Variants in MYT1L observed in about 807,000 individuals in gnomAD.
MYT1L encodes the protein myelin transcription factor 1-like protein.
In MYT1L, 12 loss-of-function variants were observed where a neutral mutation model predicts 126.7. The observed-to-expected ratio is 0.09, with a 90% CI of 0.06 to 0.15. MYT1L has a LOEUF of 0.15. MYT1L is among the 10% of genes least tolerant of loss of function. The pLI is 1.00. For synonymous variants in MYT1L, 541 were observed against 604.2 expected (o/e 0.90, Z 1.53); for missense variants, 979 against 1,585.2 (o/e 0.62, Z 6.49).
At chr2:2,306,517 A>G (rs978055017) in intron 1 of MYT1L, among the ~76,000 whole-genome samples, 2 of 152,134 alleles carry the variant, frequency 1.3e-5, no homozygotes, top group African/African-American at 2.4e-5. Flanking sequence ...GGTCACATGC[A>G]CTCATGTGTC....
intron 4 of MYT1L, among the ~76,000 whole-genome samples, chr2:2,027,240 G>A (rs892617226): frequency 6.6e-5 from 10 of 152,232 alleles, no homozygotes; most frequent in African/African-American, 2.4e-4. Context: ...TCCACCCCGG[G>A]AGGCAGAGCA....
At chr2:1,817,870 G>A (rs1336074609) in intron 21 of MYT1L, among the ~76,000 whole-genome samples, 1 of 152,222 alleles carries the variant, frequency 6.6e-6, no homozygotes. Context: ...TTACAGAAAC[G>A]CTTCTCCAAT....
chr2:1,798,406 T>G (rs77426845), intron 23 of MYT1L, among the ~76,000 whole-genome samples: 6,530 of 152,304 alleles, frequency 0.043, 164 homozygotes, highest in East Asian at 0.072. Flanking sequence ...CACCGGGCTG[T>G]AGGCCTGAGC....
At chr2:2,305,534 A>G (rs1247252976) in intron 1 of MYT1L, among the ~76,000 whole-genome samples, 1 of 152,224 alleles carries the variant, frequency 6.6e-6, no homozygotes, top group East Asian at 1.9e-4. Context: ...CCCTGCTACT[A>G]AGATCACTGT....
In MYT1L at chr2:1,911,941, T is replaced by C. The variant is rs547983206; in HGVS notation, c.1709+79A>G. 3.5e-6 allele frequency: 4 copies of C among 1,154,844 alleles called. No individual in the cohort carries two copies. The Admixed American group carries it at 7.0e-5, about 20-fold the overall frequency. 71.5% of individuals were successfully genotyped at this position (1,154,844 alleles called of 1,614,324 possible). A position where few individuals can be genotyped will look rare whatever the true frequency, so the allele number is the denominator to read the frequency against. ...ACGGTGGGGAGCACCATATGGAGCG[T>C]GGTAGGCCCCCCAGGAAGGAGAAGG... On this transcript the variant is annotated intron_variant, in intron 12 of 24. Transcript: ENST00000647738.
chr2:2,245,534 A>G (rs1189207729), intron 2 of MYT1L, among the ~76,000 whole-genome samples: 1 of 152,102 alleles, frequency 6.6e-6, no homozygotes, highest in Non-Finnish European at 1.5e-5. Flanking sequence ...GTAATGACAA[A>G]AGAAGAAAGC....
intron 2 of MYT1L, among the ~76,000 whole-genome samples, chr2:2,238,395 A>G (rs895276733): frequency 2.0e-5 from 3 of 152,176 alleles, no homozygotes; most frequent in African/African-American, 7.2e-5. Context: ...CCACAAAGGA[A>G]GGGTGGGGTC....
chr2:1,985,313 G>A lies in MYT1L; in HGVS notation c.1-5536C>T, dbSNP rs115344197. Among the ~76,000 whole-genome samples, 615 of 152,346 alleles carry A rather than the reference G, an allele frequency of 4.0e-3. 3 individuals carry two copies. Among genetic ancestry groups the A allele is most frequent in the African/African-American group, 0.013 (560 of 41,574 alleles). On this transcript the variant is annotated intron_variant, in intron 5 of 24. Transcript: ENST00000647738. ...CCTCTGTGAGGGGTAAGGAAGGCTC[G>A]GGGAAGGAATGTTGAAGAGAAACTG...
chr2:2,043,319 C>T (rs887231006), intron 4 of MYT1L, among the ~76,000 whole-genome samples: 5 of 152,014 alleles, frequency 3.3e-5, no homozygotes, highest in Admixed American at 1.3e-4. Flanking sequence ...TAGTATATTA[C>T]CTTCGATTAA....
chr2:1,834,536 C>T (rs983118055), intron 21 of MYT1L, among the ~76,000 whole-genome samples: 1 of 152,196 alleles, frequency 6.6e-6, no homozygotes, highest in Non-Finnish European at 1.5e-5. Flanking sequence ...ATACGTGCTA[C>T]AACCTTGAGG....
At chr2:2,073,050 G>T (rs911866347) in intron 3 of MYT1L, among the ~76,000 whole-genome samples, 1 of 152,078 alleles carries the variant, frequency 6.6e-6, no homozygotes, top group Non-Finnish European at 1.5e-5. Flanking sequence ...GAGCTCTCTG[G>T]GGCCTCTTTC....
chr2:2,045,486 C>T (rs1216670712), intron 4 of MYT1L, among the ~76,000 whole-genome samples: 1 of 152,244 alleles, frequency 6.6e-6, no homozygotes, highest in Non-Finnish European at 1.5e-5. Context: ...AAACCACCCA[C>T]CTGCTCATGA....
chr2:1,975,115 T>C (rs1174848717), intron 8 of MYT1L, among the ~76,000 whole-genome samples: 1 of 152,174 alleles, frequency 6.6e-6, no homozygotes, highest in East Asian at 1.9e-4. Context: ...TAAGCACTGG[T>C]TGATCCTCCT....
chr2:2,075,456 A>C (rs1013887421), intron 3 of MYT1L, among the ~76,000 whole-genome samples: 1 of 152,138 alleles, frequency 6.6e-6, no homozygotes, highest in East Asian at 1.9e-4. Context: ...GAAGTAAGAA[A>C]AGACCCTAAG....
intron 4 of MYT1L, among the ~76,000 whole-genome samples, chr2:1,999,368 C>G (rs1162618457): frequency 6.6e-6 from 1 of 152,048 alleles, no homozygotes; most frequent in Non-Finnish European, 1.5e-5. Flanking sequence ...CTGCTAGACA[C>G]GGGTAATGCA....
chr2:2,141,711 T>A (rs1280351463), intron 3 of MYT1L, among the ~76,000 whole-genome samples: 3 of 152,162 alleles, frequency 2.0e-5, no homozygotes, highest in Non-Finnish European at 4.4e-5. Context: ...GTGTTTGGAT[T>A]TTACAAGTAA....
At chr2:1,960,397 G>A (rs891463533) in intron 8 of MYT1L, among the ~76,000 whole-genome samples, 7 of 152,192 alleles carry the variant, frequency 4.6e-5, no homozygotes, top group African/African-American at 1.7e-4. Context: ...TCTAGCTAAA[G>A]CCAAAGCTGG....
intron 4 of MYT1L, among the ~76,000 whole-genome samples, chr2:2,017,076 C>A (rs2064491931): frequency 6.6e-6 from 1 of 152,226 alleles, no homozygotes; most frequent in African/African-American, 2.4e-5. Flanking sequence ...GGCTGGGTCT[C>A]CTGGGGCTTC....
chr2:1,914,297 C>A (rs1260748986), intron 11 of MYT1L, among the ~76,000 whole-genome samples: 1 of 151,982 alleles, frequency 6.6e-6, no homozygotes, highest in Non-Finnish European at 1.5e-5. Flanking sequence ...AACCCTGTGA[C>A]CCCTGCAGTT....
Sources: allele counts gnomAD v4.1 joint callset (sites outside exome capture counted in the v4.1 genomes callset), GRCh38; gene constraint gnomAD v4.1.1; transcripts MANE v1.5; gene names NCBI Gene and HGNC (gene_info 2026-07-23, HGNC 2026-07-21).